The following NRG1 variants were observed in gnomAD, a reference collection of about 807,000 sequenced individuals.
The protein encoded by NRG1 is pro-neuregulin-1, membrane-bound isoform.
NRG1 carries 18 observed loss-of-function variants against 63.8 expected under a neutral mutation model. That is an observed-to-expected ratio of 0.28 (90% CI 0.19 to 0.42). NRG1 has a LOEUF of 0.42. NRG1 is among the 10% of genes least tolerant of loss of function. The pLI is 1.00. For synonymous variants in NRG1, 302 were observed against 301.3 expected (o/e 1.00, Z -0.02); for missense variants, 762 against 814.7 (o/e 0.94, Z 0.79).
At chr8:32,174,130 A>G (rs1362498431) in intron 1 of NRG1, among the ~76,000 whole-genome samples, 7 of 152,232 alleles carry the variant, frequency 4.6e-5, no homozygotes, top group South Asian at 2.1e-4. Context: ...CAGAAATTAT[A>G]ACAAACTGTC....
chr8:32,614,670 T>G, intron 4 of NRG1, 106 bp downstream of exon 4: 6 of 991,956 alleles, frequency 6.0e-6, no homozygotes, highest in Non-Finnish European at 7.7e-6. Context: ...ACCTCTCAGC[T>G]GCTCTTGTTT....
At chr8:32,029,401 A>G (rs1200559904) in intron 1 of NRG1, 1 of 152,192 alleles carries the variant, frequency 6.6e-6, no homozygotes, top group African/African-American at 2.4e-5. Context: ...ATTAGAACCA[A>G]AACAGTTCTG....
Position 32,360,754 on chromosome 8 carries a change from C to T in NRG1, c.38-235074C>T, listed in dbSNP as rs147138369. On this transcript the variant is annotated intron_variant, in intron 1 of 10. Coordinates refer to the NRG1 transcript ENST00000519301. ...TATTGCCTGCCTACAGCAAGGCCCACGTCTTCCTGTAACAGTTGCCCCCAG... is the reference window on the plus strand; with the variant it reads ...TATTGCCTGCCTACAGCAAGGCCCATGTCTTCCTGTAACAGTTGCCCCCAG... Among the ~76,000 whole-genome samples, 78 of 152,314 alleles carry T rather than the reference C, an allele frequency of 5.1e-4. 2 individuals are homozygous for T. The highest frequency in any genetic ancestry group is 1.8e-3 in the African/African-American group (75 of 41,570).
rs559380327 is a variant in NRG1 at position 31,710,143 on chromosome 8, A to G, written c.37+70712A>G. 3.6e-4 allele frequency among the ~76,000 whole-genome samples: 54 copies of G among 151,988 alleles called. No homozygotes were observed. The South Asian group carries it at 0.011, about 30-fold the overall frequency. ...TATATATTCAGATATATCAGATTGC[A>G]TAACTCTTTGAAGAGGGAATTGTTT... On this transcript the variant is annotated intron_variant, in intron 1 of 10. Coordinates refer to the NRG1 transcript ENST00000519301.
chr8:31,734,485 T>C (rs1208388047), intron 1 of NRG1, among the ~76,000 whole-genome samples: 1 of 152,230 alleles, frequency 6.6e-6, no homozygotes, highest in Non-Finnish European at 1.5e-5. Flanking sequence ...ATAATTATCA[T>C]GTTGTCTTCT....
chr8:32,235,803 CA>C (rs1381456383), intron 1 of NRG1, among the ~76,000 whole-genome samples: 1 of 152,064 alleles, frequency 6.6e-6, no homozygotes, highest in East Asian at 1.9e-4. Context: ...TCAGGGCTAA[CA>C]AAAAAATCTG....
At chr8:32,603,804 G>A (rs1274150415) in intron 2 of NRG1, among the ~76,000 whole-genome samples, 2 of 152,064 alleles carry the variant, frequency 1.3e-5, no homozygotes. Flanking sequence ...CCCTATGTTG[G>A]TTTGACCACC....
At chr8:31,729,686 T>C (rs1304360468) in intron 1 of NRG1, among the ~76,000 whole-genome samples, 1 of 152,114 alleles carries the variant, frequency 6.6e-6, no homozygotes, top group Non-Finnish European at 1.5e-5. Flanking sequence ...AGACAGTTTA[T>C]CAGAATACAT....
chr8:31,903,441 G>A (rs542044213), intron 1 of NRG1, among the ~76,000 whole-genome samples: 62 of 151,518 alleles, frequency 4.1e-4, no homozygotes, highest in African/African-American at 1.4e-3. Context: ...GAGCCACCGC[G>A]CCCGGCCGAG....
At chr8:32,077,577 T>C (rs1012215206) in intron 1 of NRG1, among the ~76,000 whole-genome samples, 1 of 152,204 alleles carries the variant, frequency 6.6e-6, no homozygotes, top group Non-Finnish European at 1.5e-5. Context: ...AATTTTTACA[T>C]TGATCATGTA....
chr8:31,883,948 C>T (rs570622668), intron 1 of NRG1, among the ~76,000 whole-genome samples: 5 of 152,152 alleles, frequency 3.3e-5, no homozygotes, highest in Admixed American at 1.3e-4. Context: ...ATTTCATTTG[C>T]CTGTATGCTT....
intron 1 of NRG1, among the ~76,000 whole-genome samples, chr8:31,837,171 A>T (rs939403768): frequency 6.6e-6 from 1 of 152,010 alleles, no homozygotes; most frequent in African/African-American, 2.4e-5. Context: ...TATGGTAAAC[A>T]AAATGCAAAC....
At chr8:32,647,090 C>A in intron 5 of NRG1, 1 of 985,400 alleles carries the variant, frequency 1.0e-6, no homozygotes, top group Non-Finnish European at 1.2e-6. Flanking sequence ...CCTGGCTGCA[C>A]TCTTGCCTCC....
intron 1 of NRG1, among the ~76,000 whole-genome samples, chr8:31,653,977 A>C (rs1347039442): frequency 1.3e-5 from 2 of 150,686 alleles, no homozygotes; most frequent in Admixed American, 1.3e-4. Context: ...TCATAGTAGG[A>C]TAAATTAAAA....
At chr8:32,097,155 G>A (rs1830004568) in intron 1 of NRG1, among the ~76,000 whole-genome samples, 1 of 152,086 alleles carries the variant, frequency 6.6e-6, no homozygotes, top group African/African-American at 2.4e-5. Context: ...TTCCATCTAT[G>A]TTGCTGCAAA....
intron 1 of NRG1, among the ~76,000 whole-genome samples, chr8:32,028,173 A>C (rs1674085715): frequency 6.6e-6 from 1 of 152,126 alleles, no homozygotes; most frequent in Non-Finnish European, 1.5e-5. Context: ...CATGGCTCTC[A>C]TGGTTAGGGA....
intron 5 of NRG1, among the ~76,000 whole-genome samples, chr8:32,631,098 C>T (rs1850215242): frequency 6.6e-6 from 1 of 152,140 alleles, no homozygotes; most frequent in African/African-American, 2.4e-5. Context: ...AAATCTCATA[C>T]TGTGCACTTT....
intron 1 of NRG1, among the ~76,000 whole-genome samples, chr8:32,571,230 G>A (rs1436888153): frequency 2.6e-5 from 4 of 152,114 alleles, no homozygotes; most frequent in African/African-American, 4.8e-5. Flanking sequence ...AATGGATGCC[G>A]GGCCCTATTA....
chr8:32,067,585 G>T (rs1370269106), intron 1 of NRG1, among the ~76,000 whole-genome samples: 1 of 152,062 alleles, frequency 6.6e-6, no homozygotes, highest in Non-Finnish European at 1.5e-5. Flanking sequence ...ACTGGATTTG[G>T]TTTGCCAGTA....
Sources: gnomAD v4.1 joint callset for allele counts (sites outside exome capture counted in the v4.1 genomes callset) on GRCh38, gnomAD v4.1.1 for gene constraint, MANE v1.5 for transcripts, NCBI Gene and HGNC (gene_info 2026-07-23, HGNC 2026-07-21) for gene names.